Variants in MAZ observed in about 807,000 individuals in gnomAD.
The protein encoded by MAZ is MYC associated zinc finger protein, also known as myc-associated zinc finger protein.
Under a neutral mutation model 32.7 loss-of-function variants are expected in MAZ, and 4 were observed. That is an observed-to-expected ratio of 0.12 (90% CI 0.06 to 0.28). The LOEUF (loss-of-function observed/expected upper bound fraction) is 0.28, where lower values mean the gene tolerates loss of function less well. MAZ is among the 10% of genes least tolerant of loss of function. MAZ has a pLI of 1.00. For synonymous variants in MAZ, 510 were observed against 297.6 expected, an observed-to-expected ratio of 1.71 and a Z score of -7.35; for missense variants, 763 against 667.2, an observed-to-expected ratio of 1.14 and a Z score of -1.58.
intron 4 of MAZ, chr16:29,809,128 C>T: frequency 3.9e-6 from 2 of 509,652 alleles, no homozygotes; most frequent in East Asian, 3.4e-5. Context: ...TTTACCAGCA[C>T]GCACCCTGCA....
chr16:29,809,716 G>A (rs1299760061), intron 4 of MAZ: 3 of 1,470,406 alleles, frequency 2.0e-6, no homozygotes, highest in East Asian at 2.5e-5. Flanking sequence ...CCCGGGAGAC[G>A]CCCCCCAGCC....
rs986196363 is a variant in MAZ at position 29,807,624 on chromosome 16, C to T, written c.839C>T (p.Ala280Val). 6.2e-7 allele frequency: 1 copy of T among 1,612,648 alleles called. No homozygotes were observed. Among genetic ancestry groups the T allele is most frequent in the Non-Finnish European group, 8.5e-7 (1 of 1,179,886 alleles). Residue 280 changes from alanine to valine, a missense_variant, in exon 2 of 5, where the codon GCC becomes GTC. Transcript: ENST00000322945. ...GGGAAGCGCATCCGGAAGAACCATG[C>T]CTGCGAGATGTGTGGCAAGGCCTTC... Reference protein sequence around the residue: ...ASGKRIRKNHACEMCGKAFRD... With the variant: ...ASGKRIRKNHVCEMCGKAFRD...
intron 4 of MAZ, chr16:29,809,573 C>T (rs770329446): frequency 1.2e-6 from 2 of 1,612,454 alleles, no homozygotes; most frequent in Non-Finnish European, 1.7e-6. Context: ...CGCATCCACG[C>T]GGTGAAGGAC....
chr16:29,809,483 G>A, intron 4 of MAZ: 3 of 1,019,302 alleles, frequency 2.9e-6, no homozygotes, highest in South Asian at 1.3e-5. Context: ...GATCAGCCCC[G>A]TCTCTGGGGT....
At chr16:29,808,798 C>T (rs768501778) in intron 4 of MAZ, 57 bp downstream of exon 4, 27 of 1,557,152 alleles carry the variant, frequency 1.7e-5, no homozygotes, top group Non-Finnish European at 1.9e-5. Context: ...CCTGGCCAGA[C>T]GCCTTGCCAC....
At position 29,810,182 on chromosome 16, in the gene MAZ, C is replaced by G. The variant is rs773428203; in HGVS notation, c.1385C>G (p.Ala462Gly). 1 of 1,607,746 alleles carries G rather than the reference C, an allele frequency of 6.2e-7. No homozygotes were observed. Among genetic ancestry groups the G allele is most frequent in the Non-Finnish European group, 8.5e-7 (1 of 1,177,470 alleles). Residue 462 changes from alanine (A) to glycine (G), a missense_variant, in exon 5 of 5, where the codon GCG (alanine) becomes GGG (glycine). By Grantham distance (60) the Ala-to-Gly change is moderately conservative. Coordinates refer to ENST00000322945, the MANE Select transcript of MAZ (RefSeq NM_002383.4). ...PPTAVGSLSG[A>G]EGVPVSSQPL... is the part of the protein sequence containing the mutation. ...ACAGCTGTGGGCTCCCTCTCGGGGG[C>G]GGAGGGGGTGCCTGTGAGCTCTCAG...
At position 29,808,872 on chromosome 16, in the gene MAZ, G is replaced by A. The variant is rs1899725769; in HGVS notation, c.1279+131G>A. ...CGTCTAGATTCCTACAAGAGGTCAA[G>A]GGAGCAGCGGGGGGACACCTGAATG... is the stretch of plus-strand genomic sequence containing the variant. On this transcript the variant is annotated intron_variant, in intron 4 of 4. Coordinates refer to ENST00000322945, the MANE Select transcript of MAZ (RefSeq NM_002383.4). 6 of 780,060 alleles carry A rather than the reference G, an allele frequency of 7.7e-6. No individual in the cohort carries two copies. In the Admixed American group the frequency reaches 1.4e-4, roughly 18 times the overall value. 48.3% of individuals were successfully genotyped at this position (780,060 alleles called of 1,614,324 possible).
At position 29,806,666 on chromosome 16, in the gene MAZ, C is replaced by A; in HGVS notation, c.-36C>A. The A allele has an allele frequency of 9.7e-7, 1 of 1,031,666 alleles. No individual in the cohort carries two copies. Among genetic ancestry groups the A allele is most frequent in the Admixed American group, 5.8e-5 (1 of 17,218 alleles). The allele number at this position is 1,031,666 out of a possible 1,614,324, so 63.9% of individuals were successfully genotyped here. A position where few individuals can be genotyped will look rare whatever the true frequency, so the allele number is the denominator to read the frequency against. ...CCCGCGCGGCCCGCGCCCCCGGCCC[C>A]CGCTGAGCCCCGGGGGCCCCGCTGC... On this transcript the variant is annotated 5_prime_UTR_variant, in exon 1 of 5. Transcript: ENST00000322945.
Position 29,808,496 on chromosome 16 carries a change from C to T in MAZ, c.1108-74C>T, listed in dbSNP as rs138758146. ...CCCAAGGCTCTGATTCCTTTAATCT[C>T]TTGCTCCCCCCTCCCCAGCCCACCA... On this transcript the variant is annotated intron_variant, in intron 3 of 4. Coordinates refer to ENST00000322945, the MANE Select transcript of MAZ (RefSeq NM_002383.4). 7,533 of 1,098,080 alleles carry T rather than the reference C, an allele frequency of 6.9e-3. 43 individuals are homozygous for T. Among genetic ancestry groups the T allele is most frequent in the Non-Finnish European group, 8.4e-3 (6,260 of 747,512 alleles). The allele number at this position is 1,098,080 out of a possible 1,614,324, so 68.0% of individuals were successfully genotyped here. A position where few individuals can be genotyped will look rare whatever the true frequency, so the allele number is the denominator to read the frequency against.
intron 1 of MAZ, 38 bp from the exon 2 acceptor site, chr16:29,806,940 C>A (rs768740117): frequency 8.8e-5 from 103 of 1,169,040 alleles, no homozygotes; most frequent in Non-Finnish European, 1.1e-4. Flanking sequence ...GGGACGCCCG[C>A]CCGCACCCGC....
chr16:29,808,385 CTCT>C lies in MAZ; in HGVS notation c.1107+97_1107+99del, dbSNP rs1177831169. 5.9e-6 allele frequency: 8 copies of C among 1,350,980 alleles called. No homozygotes were observed. In the Admixed American group the frequency reaches 1.2e-4, roughly 21 times the overall value. The allele number at this position is 1,350,980 out of a possible 1,614,324, so 83.7% of individuals were successfully genotyped here. A position where few individuals can be genotyped will look rare whatever the true frequency, so the allele number is the denominator to read the frequency against. On this transcript the variant is annotated intron_variant, in intron 3 of 4. Transcript: ENST00000322945. ...AGTCTCTCAGACCCCCTTTTTCTCT[CTCT>C]TCTTTTTGCCTTTTTGCTCCATTTT...
chr16:29,808,909 A>C, intron 4 of MAZ, 168 bp downstream of exon 4: 1 of 628,972 alleles, frequency 1.6e-6, no homozygotes, highest in Non-Finnish European at 2.7e-6. Context: ...ACATCATTAG[A>C]CTCTAAGAAG....
At chr16:29,808,478 C>T (rs574367378) in intron 3 of MAZ, 92 bp from the exon 4 acceptor site, 36 of 1,035,218 alleles carry the variant, frequency 3.5e-5, no homozygotes, top group Middle Eastern at 2.1e-4. Context: ...ATCCCCAAGG[C>T]TCTGATTCCT....
chr16:29,806,794 C>T lies in MAZ; in HGVS notation c.93C>T (p.Phe31=), dbSNP rs1016862271. 9.8e-6 allele frequency: 14 copies of T among 1,434,042 alleles called. No homozygotes were observed. The highest frequency in any genetic ancestry group is 2.7e-5 in the South Asian group (2 of 74,754). 88.8% of individuals were successfully genotyped at this position (1,434,042 alleles called of 1,614,324 possible). A position where few individuals can be genotyped will look rare whatever the true frequency, so the allele number is the denominator to read the frequency against. Residue 31 remains phenylalanine (F), a synonymous_variant, in exon 1 of 5, where the codon TTC becomes TTT. Coordinates refer to ENST00000322945, the MANE Select transcript of MAZ (RefSeq NM_002383.4). ...SRGVGGLMNS[F]PPPQGHAQNP... ...GGGTGGGCGGCCTCATGAACTCCTT[C>T]CCGCCACCTCAGGGTCACGCCCAGA...
intron 4 of MAZ, 21 bp downstream of exon 4, chr16:29,808,762 G>A (rs200199186): frequency 3.1e-6 from 5 of 1,610,586 alleles, no homozygotes; most frequent in Non-Finnish European, 4.2e-6. Context: ...AGGGCTGCCG[G>A]GAGGGCCAGG....
chr16:29,809,689 G>C (rs763250532), intron 4 of MAZ: 1 of 1,530,270 alleles, frequency 6.5e-7, no homozygotes, highest in Non-Finnish European at 8.8e-7. Flanking sequence ...CCATCTGGGG[G>C]GGGCCGCCCC....
intron 4 of MAZ, chr16:29,809,695 G>C: frequency 6.6e-7 from 1 of 1,506,494 alleles, no homozygotes; most frequent in Non-Finnish European, 8.9e-7. Flanking sequence ...GGGGGGGGCC[G>C]CCCCCCCTGT....
rs759807697 is a variant in MAZ, at chr16:29,808,726, G to A, written c.1264G>A (p.Glu422Lys). ...CAGCCAGGGTCCTCACCATGTCTGT[G>A]AGCTCTGCAACAAAGGTACATGCCG... ...VHSQGPHHVC[E>K]LCNKGTGEVC... Residue 422 changes from glutamate to lysine, a missense_variant, in exon 4 of 5, where the codon GAG (glutamate) becomes AAG (lysine). Transcript: ENST00000322945. 7 of 1,613,846 alleles carry A rather than the reference G, an allele frequency of 4.3e-6. No homozygotes were observed. Among genetic ancestry groups the A allele is most frequent in the Non-Finnish European group, 5.9e-6 (7 of 1,179,966 alleles).
At chr16:29,808,462 T>G (rs1050551685) in intron 3 of MAZ, 108 bp from the exon 4 acceptor site, 1 of 1,016,514 alleles carries the variant, frequency 9.8e-7, no homozygotes, top group Non-Finnish European at 1.5e-6. Flanking sequence ...TTCCTACAGA[T>G]CAAAGATCCC....
Sources: allele counts gnomAD v4.1 joint callset, GRCh38; gene constraint gnomAD v4.1.1; transcripts MANE v1.5; gene names NCBI Gene and HGNC (gene_info 2026-07-23, HGNC 2026-07-21).